LRRC45: variants seen among roughly 807,000 people sequenced by gnomAD.
LRRC45 encodes leucine rich repeat containing 45, also known as leucine-rich repeat-containing protein 45.
A neutral mutation model predicts 85.4 loss-of-function variants in LRRC45; 73 were observed. The ratio of observed to expected loss-of-function variants is 0.85; its 90% CI spans 0.71 to 1.04. The LOEUF is 1.04. Ranked by LOEUF, LRRC45 falls within the 50% of genes least tolerant of loss-of-function variation. The pLI is 0.00. For missense variants in LRRC45, 937 were observed against 883.3 expected, an observed-to-expected ratio of 1.06 and a Z score of -0.77; for synonymous variants, 429 against 386.0, an observed-to-expected ratio of 1.11 and a Z score of -1.31.
At position 82,028,260 on chromosome 17, in the gene LRRC45, C is replaced by T. The variant is rs770293879; in HGVS notation, c.1074C>T (p.Leu358=). The change falls in exon 10 of 17, where the codon CTC becomes CTT. Residue 358 remains leucine, a synonymous_variant. Coordinates refer to ENST00000306688, the MANE Select transcript of LRRC45 (RefSeq NM_144999.4). ...QQEAAERESK[L]LRDLSAANEK... The stretch of plus-strand genomic sequence containing the variant: ...AAGCTGCAGAGCGGGAGTCTAAACT[C>T]CTCAGAGACTTGTCTGCTGCCAATG... The T allele has an allele frequency of 1.8e-5, 29 of 1,579,700 alleles. No homozygotes were observed. In the South Asian group the frequency reaches 2.8e-4, roughly 15 times the overall value.
chr17:82,025,501 G>A lies in LRRC45; in HGVS notation c.655G>A (p.Ala219Thr), dbSNP rs1348226915. ...CAACATCCCTGGAGACGTCCTCAGA[G>A]CCGTGGGTACGGTGCAGGGCTGTGT... The part of the protein sequence containing the change: ...GNNIPGDVLR[A>T]VEQAMGHSQD... The change falls in exon 5 of 17, where the codon GCC (alanine) becomes ACC (threonine). Residue 219 changes from alanine (A) to threonine (T), a missense_variant. Ala to Thr is a moderately conservative substitution (Grantham distance 58). Coordinates refer to ENST00000306688, the MANE Select transcript of LRRC45 (RefSeq NM_144999.4). The A allele has an allele frequency of 1.2e-6, 2 of 1,604,310 alleles. No homozygotes were observed.
chr17:82,025,275 C>A, intron 4 of LRRC45, 97 bp downstream of exon 4: 1 of 1,524,892 alleles, frequency 6.6e-7, no homozygotes, highest in South Asian at 1.3e-5. Flanking sequence ...TGCTCCTGCT[C>A]TGTTGATGAC....
intron 7 of LRRC45, 89 bp downstream of exon 7, chr17:82,027,533 G>A (rs2043379307): frequency 3.8e-6 from 6 of 1,579,136 alleles, no homozygotes; most frequent in Middle Eastern, 3.3e-4. Context: ...GCCCACGAGT[G>A]AGGCCACGAG....
chr17:82,027,897 A>C lies in LRRC45; in HGVS notation c.912-114A>C, dbSNP rs2043382472. 3.7e-5 allele frequency: 56 copies of C among 1,513,622 alleles called. 1 individual carries two copies. The South Asian group carries it at 4.1e-4, about 11-fold the overall frequency. 93.8% of individuals were successfully genotyped at this position (1,513,622 alleles called of 1,614,324 possible). On this transcript the variant is annotated intron_variant, in intron 8 of 16. Coordinates refer to ENST00000306688, the MANE Select transcript of LRRC45 (RefSeq NM_144999.4). ...AGTAACCCAGAAGCCTTCCTGGAGG[A>C]GGCGGGTGCTGGCTGGGGTTGACTA... is the stretch of plus-strand genomic sequence containing the variant.
In LRRC45 at chr17:82,028,680, G is replaced by C; in HGVS notation, c.1305G>C (p.Lys435Asn). The C allele has an allele frequency of 6.2e-7, 1 of 1,612,144 alleles. No homozygotes were observed. The highest frequency in any genetic ancestry group is 1.3e-5 in the African/African-American group (1 of 75,032). Reference sequence around the variant, plus strand: ...AGGACTCCGAAAGCCTGCGCATCAAGGAGGTGCCCTCTTCGTTGGCCTCTA... The same window carrying C: ...AGGACTCCGAAAGCCTGCGCATCAACGAGGTGCCCTCTTCGTTGGCCTCTA... ...SLEDSESLRI[K>N]EVEHMTRHLE... The change falls in exon 12 of 17, where the codon AAG becomes AAC. Residue 435 changes from lysine to asparagine, a missense_variant. Transcript: ENST00000306688.
Position 82,030,691 on chromosome 17 carries a change from G to A in LRRC45, c.1899G>A (p.Glu633=), listed in dbSNP as rs373409333. Residue 633 remains glutamate (E), a synonymous_variant, in exon 17 of 17, where the codon GAG becomes GAA. Coordinates refer to ENST00000306688, the MANE Select transcript of LRRC45 (RefSeq NM_144999.4). ...TCCGGGAGAAGCTGCGGCTCCGGGA[G>A]GCGGAGATCGCCCGCATCCGGGACG... ...ASLREKLRLR[E]AEIARIRDEE... 1.1e-4 allele frequency: 169 copies of A among 1,492,900 alleles called. No individual in the cohort carries two copies. The East Asian group carries it at 3.0e-3, about 26-fold the overall frequency. The allele number at this position is 1,492,900 out of a possible 1,614,324, so 92.5% of individuals were successfully genotyped here.
intron 1 of LRRC45, 80 bp downstream of exon 1, chr17:82,023,943 C>T: frequency 1.5e-6 from 2 of 1,297,648 alleles, no homozygotes; most frequent in Admixed American, 2.2e-5. Flanking sequence ...GTCGCTTCCT[C>T]TCCAGGCTCT....
intron 14 of LRRC45, 71 bp from the exon 15 acceptor site, chr17:82,029,994 C>T: frequency 6.9e-7 from 1 of 1,449,716 alleles, no homozygotes; most frequent in Non-Finnish European, 9.1e-7. Flanking sequence ...GGGGTCGTGC[C>T]CGTGCAGACA....
chr17:82,025,171 G>C lies in LRRC45; in HGVS notation c.525G>C (p.Gln175His), dbSNP rs760115289. 1.9e-6 allele frequency: 3 copies of C among 1,594,842 alleles called. No individual in the cohort carries two copies. The highest frequency in any genetic ancestry group is 2.6e-6 in the Non-Finnish European group (3 of 1,169,336). The change falls in exon 4 of 17, where the codon CAG becomes CAC. Residue 175 changes from glutamine (Q) to histidine (H), a missense_variant. Physicochemically the swap from Gln to His is conservative, Grantham distance 24. Transcript: ENST00000306688. The stretch of plus-strand genomic sequence containing the variant: ...CCCTGAAGGGCAACACCACCCTCCA[G>C]CAGCTGGGTGAGGCCTCCCAGGCGC... ...ALALKGNTTLQQLDLRWNNVG... is the reference protein window; with the variant it reads ...ALALKGNTTLHQLDLRWNNVG...
chr17:82,030,268 G>A (rs975004785), intron 15 of LRRC45, 30 bp downstream of exon 15: 2 of 1,536,346 alleles, frequency 1.3e-6, no homozygotes, highest in Admixed American at 2.0e-5. Flanking sequence ...GGGGCCCCGG[G>A]CGTGCTAGCC....
In LRRC45 at chr17:82,027,069, G is replaced by A. The variant is rs551416935; in HGVS notation, c.774+58G>A. 262 of 1,396,004 alleles carry A rather than the reference G, an allele frequency of 1.9e-4. 1 individual carries two copies. The African/African-American group carries it at 3.1e-3, about 17-fold the overall frequency. 86.5% of individuals were successfully genotyped at this position (1,396,004 alleles called of 1,614,324 possible). ...GCTTATGGCTGGAGGGCCTGGCCACGTCCTTCCTCCCTCAGCCCCGTGGTC... is the reference window on the plus strand; with the variant it reads ...GCTTATGGCTGGAGGGCCTGGCCACATCCTTCCTCCCTCAGCCCCGTGGTC... On this transcript the variant is annotated intron_variant, in intron 6 of 16. Coordinates refer to ENST00000306688, the MANE Select transcript of LRRC45 (RefSeq NM_144999.4).
intron 1 of LRRC45, 126 bp downstream of exon 1, chr17:82,023,989 G>A: frequency 1.1e-6 from 1 of 894,370 alleles, no homozygotes; most frequent in Non-Finnish European, 1.7e-6. Flanking sequence ...GAGCAGGGGC[G>A]CCCCTTCCTG....
chr17:82,030,261 G>C lies in LRRC45; in HGVS notation c.1668+23G>C, dbSNP rs1217027965. 2.0e-6 allele frequency: 3 copies of C among 1,534,844 alleles called. No homozygotes were observed. In the South Asian group the frequency reaches 3.6e-5, roughly 18 times the overall value. ...CAGGTAGGCGGGGCTCCGGTGGGGGGCCCCGGGCGTGCTAGCCCCCAACCC... is the reference window on the plus strand; with the variant it reads ...CAGGTAGGCGGGGCTCCGGTGGGGGCCCCCGGGCGTGCTAGCCCCCAACCC... On this transcript the variant is annotated intron_variant, in intron 15 of 16. Transcript: ENST00000306688.
Position 82,031,037 on chromosome 17 carries a change from G to A in LRRC45, c.*232G>A, listed in dbSNP as rs956721396. The A allele has an allele frequency of 5.1e-6, 2 of 393,830 alleles. No individual in the cohort carries two copies. The highest frequency in any genetic ancestry group is 8.9e-6 in the Non-Finnish European group (2 of 223,704). The allele number at this position is 393,830 out of a possible 1,614,324, so 24.4% of individuals were successfully genotyped here. A position where few individuals can be genotyped will look rare whatever the true frequency, so the allele number is the denominator to read the frequency against. ...GGTCGACGCCACGTGGGAGCACACC[G>A]GGAAGGGGTCCCGCGGGCGCGTCTC... On this transcript the variant is annotated 3_prime_UTR_variant, in exon 17 of 17. Transcript: ENST00000306688.
At chr17:82,030,492 C>T in intron 16 of LRRC45, 26 bp downstream of exon 16, 4 of 1,534,370 alleles carry the variant, frequency 2.6e-6, no homozygotes, top group South Asian at 1.2e-5. Flanking sequence ...GTCCTCCCGC[C>T]GCCCACTGGT....
intron 5 of LRRC45, 100 bp downstream of exon 5, chr17:82,025,607 G>A (rs1598454451): frequency 1.4e-6 from 2 of 1,385,796 alleles, no homozygotes; most frequent in Non-Finnish European, 1.9e-6. Flanking sequence ...GATGAGGAGA[G>A]CAGCCTGAGA....
In LRRC45 at chr17:82,025,982, C is replaced by T. The variant is rs965660095; in HGVS notation, c.661+475C>T. Among the ~76,000 whole-genome samples the T allele has an allele frequency of 1.8e-4, 28 of 152,338 alleles. 1 individual carries two copies. The highest frequency in any genetic ancestry group is 6.0e-4 in the African/African-American group (25 of 41,576). On this transcript the variant is annotated intron_variant, in intron 5 of 16. Coordinates refer to ENST00000306688, the MANE Select transcript of LRRC45 (RefSeq NM_144999.4). ...CCCCGAATCCTTGCAGCTGATGTCT[C>T]AGCCTCAGGCCCCAGTGCCCCAGAC...
At chr17:82,025,911 GC>G (rs2043363966) in intron 5 of LRRC45, among the ~76,000 whole-genome samples, 1 of 152,150 alleles carries the variant, frequency 6.6e-6, no homozygotes, top group Admixed American at 6.5e-5. Flanking sequence ...GTGAGGTGGG[GC>G]CCCCTGGCTT....
In LRRC45 at chr17:82,028,151, G is replaced by T. The variant is rs535827164; in HGVS notation, c.1047+5G>T. The stretch of plus-strand genomic sequence containing the variant: ...GAGCTCAAGCTGGAGCAGCAGGTGG[G>T]TGGGCAGGGCTTGAGAGGGGTGGGC... On this transcript the variant is annotated splice_donor_5th_base_variant and intron_variant, in intron 9 of 16. Transcript: ENST00000306688. The T allele has an allele frequency of 1.9e-6, 3 of 1,564,042 alleles. No homozygotes were observed. The highest frequency in any genetic ancestry group is 2.7e-5 in the African/African-American group (2 of 74,052).
Sources: allele counts gnomAD v4.1 joint callset (sites outside exome capture counted in the v4.1 genomes callset), GRCh38; gene constraint gnomAD v4.1.1; transcripts MANE v1.5; gene names NCBI Gene and HGNC (gene_info 2026-07-23, HGNC 2026-07-21).